The following MYOCD variants were observed in gnomAD, a reference collection of about 807,000 sequenced individuals.
The protein encoded by MYOCD is myocardin.
In MYOCD, 32 loss-of-function variants were observed where a neutral mutation model predicts 96.1. That is an observed-to-expected ratio of 0.33 (90% CI 0.25 to 0.45). The LOEUF (loss-of-function observed/expected upper bound fraction) is 0.45. MYOCD is among the 20% of genes least tolerant of loss of function. The probability of loss-of-function intolerance (pLI) is 1.00; values close to 1 mark genes in which losing one functional copy is unlikely to be tolerated. For missense variants in MYOCD, 1,133 were observed against 1,200.6 expected (o/e 0.94, Z 0.83); for synonymous variants, 469 against 469.0 (o/e 1.00, Z 0.00).
chr17:12,708,469 C>T (rs1468144385), intron 2 of MYOCD, among the ~76,000 whole-genome samples: 1 of 151,960 alleles, frequency 6.6e-6, no homozygotes, highest in African/African-American at 2.4e-5. Context: ...TCTCGGCTCA[C>T]TGCAACCTCC....
chr17:12,726,111 A>G (rs1347942673), intron 5 of MYOCD, among the ~76,000 whole-genome samples: 1 of 152,178 alleles, frequency 6.6e-6, no homozygotes. Context: ...CAAAACTTCA[A>G]CAGCTTAACA....
intron 1 of MYOCD, among the ~76,000 whole-genome samples, chr17:12,692,666 A>T (rs991062198): frequency 5.3e-5 from 8 of 152,132 alleles, no homozygotes; most frequent in Admixed American, 2.6e-4. Flanking sequence ...AATAAGCAAA[A>T]TGTCACAATG....
At position 12,665,998 on chromosome 17, in the gene MYOCD, C is replaced by T. The variant is rs1478459746; in HGVS notation, c.-191C>T. On this transcript the variant is annotated 5_prime_UTR_variant, in exon 1 of 14. Coordinates refer to ENST00000425538, the MANE Select transcript of MYOCD (RefSeq NM_001146312.3). The surrounding 1 kb of genome is among the most constrained non-coding windows in gnomAD (Gnocchi z 4.2). ...CCGCCGGCTAAGAGTTAATTAGCCC[C>T]GCACGGCGAGGGGGGAGGCGCCAGT... The T allele has an allele frequency of 1.8e-6, 1 of 559,746 alleles. No homozygotes were observed. The highest frequency in any genetic ancestry group is 3.2e-6 in the Non-Finnish European group (1 of 314,620). The allele number at this position is 559,746 out of a possible 1,614,324, so 34.7% of individuals were successfully genotyped here. A position where few individuals can be genotyped will look rare whatever the true frequency, so the allele number is the denominator to read the frequency against.
At position 12,768,426 on chromosome 17, in the gene MYOCD, G is replaced by A. The variant is rs899269409; in HGVS notation, c.*4782G>A. On this transcript the variant is annotated 3_prime_UTR_variant, in exon 14 of 14. Coordinates refer to ENST00000425538, the MANE Select transcript of MYOCD (RefSeq NM_001146312.3). The stretch of plus-strand genomic sequence containing the variant: ...TTCCCTTTTGATTCTGGGAATCAGC[G>A]ATTTTCCCTGTGGATTAAGACAAAC... The A allele has an allele frequency of 7.2e-5, 11 of 152,190 alleles. No homozygotes were observed. Among genetic ancestry groups the A allele is most frequent in the African/African-American group, 2.4e-4 (10 of 41,444 alleles). 9.4% of individuals were successfully genotyped at this position (152,190 alleles called of 1,614,324 possible).
At chr17:12,738,955 ATATATATG>A (rs879813381) in intron 6 of MYOCD, among the ~76,000 whole-genome samples, 30 of 152,052 alleles carry the variant, frequency 2.0e-4, no homozygotes, top group Non-Finnish European at 2.8e-4. Context: ...AAGTTTATAT[ATATATATG>A]TATATATGTA....
intron 2 of MYOCD, 105 bp downstream of exon 2, chr17:12,705,298 C>T (rs746634018): frequency 5.4e-5 from 39 of 719,958 alleles, no homozygotes; most frequent in East Asian, 8.4e-5. Context: ...CATTGGTCTC[C>T]GAAGATCTTC....
chr17:12,749,624 C>T (rs1398027199), intron 9 of MYOCD, among the ~76,000 whole-genome samples: 2 of 143,254 alleles, frequency 1.4e-5, no homozygotes, highest in Non-Finnish European at 3.0e-5. Flanking sequence ...TGTCTCAAAA[C>T]CTATATATAC....
intron 4 of MYOCD, among the ~76,000 whole-genome samples, chr17:12,718,593 C>T (rs2150686033): frequency 6.6e-6 from 1 of 151,998 alleles, no homozygotes; most frequent in South Asian, 2.1e-4. Flanking sequence ...CTTTTTCAAC[C>T]CTAAAGTAGG....
At chr17:12,682,866 C>T (rs982512942) in intron 1 of MYOCD, among the ~76,000 whole-genome samples, 5 of 152,198 alleles carry the variant, frequency 3.3e-5, no homozygotes, top group African/African-American at 1.2e-4. Context: ...TCTGCCACCA[C>T]GGGATGCCCC....
At chr17:12,706,075 C>T (rs1016904326) in intron 2 of MYOCD, 4 of 152,176 alleles carry the variant, frequency 2.6e-5, no homozygotes, top group Non-Finnish European at 5.9e-5. Flanking sequence ...TATATTGAAG[C>T]GCTATGACCC....
At chr17:12,725,835 A>G (rs1028272756) in intron 5 of MYOCD, among the ~76,000 whole-genome samples, 1 of 152,042 alleles carries the variant, frequency 6.6e-6, no homozygotes, top group Non-Finnish European at 1.5e-5. Flanking sequence ...CTAAGGAAGT[A>G]TTTCTCTATT....
chr17:12,671,994 T>C (rs1909734389), intron 1 of MYOCD: 2 of 152,320 alleles, frequency 1.3e-5, no homozygotes, highest in African/African-American at 4.8e-5. Context: ...AGGTCTCTGC[T>C]TTCCTGGTTC....
intron 9 of MYOCD, among the ~76,000 whole-genome samples, chr17:12,747,546 G>A (rs77767158): frequency 0.039 from 5,931 of 152,106 alleles, 258 homozygotes; most frequent in East Asian, 0.19. Context: ...ACTCATGTGC[G>A]ACGTGTGGAG....
intron 1 of MYOCD, among the ~76,000 whole-genome samples, chr17:12,692,827 C>T (rs1400474565): frequency 2.0e-5 from 3 of 152,156 alleles, no homozygotes; most frequent in Non-Finnish European, 4.4e-5. Flanking sequence ...CCTCAATTTC[C>T]AAGAGCCCTG....
rs2033268717 is a variant in MYOCD at position 12,764,169 on chromosome 17, T to G, written c.*525T>G. On this transcript the variant is annotated 3_prime_UTR_variant, in exon 14 of 14. Transcript: ENST00000425538. ...GACCCAGCTTCAGATCAAAAGTTCT[T>G]GAGACAGAGGAACAAAACCAATCGA... The G allele has an allele frequency of 6.6e-6, 1 of 152,506 alleles. No homozygotes were observed. Among genetic ancestry groups the G allele is most frequent in the South Asian group, 2.1e-4 (1 of 4,828 alleles). 9.4% of individuals were successfully genotyped at this position (152,506 alleles called of 1,614,324 possible).
At chr17:12,706,759 G>C (rs560390696) in intron 2 of MYOCD, among the ~76,000 whole-genome samples, 37 of 152,052 alleles carry the variant, frequency 2.4e-4, no homozygotes, top group Non-Finnish European at 4.9e-4. Context: ...TTGTATAGTA[G>C]AGTCCAATGA....
chr17:12,714,507 AG>A (rs551803732), intron 2 of MYOCD, among the ~76,000 whole-genome samples: 1 of 151,324 alleles, frequency 6.6e-6, no homozygotes, highest in South Asian at 2.1e-4. Context: ...CATACAATTC[AG>A]GGGAAAAAAA....
intron 12 of MYOCD, among the ~76,000 whole-genome samples, chr17:12,758,763 A>G (rs2033085674): frequency 6.6e-6 from 1 of 152,176 alleles, no homozygotes; most frequent in Admixed American, 6.5e-5. Context: ...AAAAGAAAAA[A>G]CAAGGCTGGG....
intron 1 of MYOCD, among the ~76,000 whole-genome samples, chr17:12,670,283 G>A (rs1909624429): frequency 6.6e-6 from 1 of 152,224 alleles, no homozygotes; most frequent in Admixed American, 6.5e-5. Context: ...GGCCCCTGGT[G>A]CCTGTAATTG....
Sources: allele counts gnomAD v4.1 joint callset (sites outside exome capture counted in the v4.1 genomes callset), GRCh38; gene constraint gnomAD v4.1.1; non-coding constraint Gnocchi (gnomAD v3.1); transcripts MANE v1.5; gene names NCBI Gene and HGNC (gene_info 2026-07-23, HGNC 2026-07-21).